The following WDR47 variants were observed in gnomAD, a reference collection of about 807,000 sequenced individuals.
WDR47 encodes WD repeat domain 47.
A neutral mutation model predicts 97.2 loss-of-function variants in WDR47; 32 were observed. That is an observed-to-expected ratio of 0.33 (90% CI 0.25 to 0.44). WDR47 has a LOEUF of 0.44. WDR47 is among the 20% of genes least tolerant of loss of function. The pLI is 1.00. For synonymous variants in WDR47, 375 were observed against 373.5 expected (o/e 1.00, Z -0.05); for missense variants, 782 against 1,102.3 (o/e 0.71, Z 4.11).
At chr1:108,997,522 C>T (rs1172658050) in intron 7 of WDR47, among the ~76,000 whole-genome samples, 1 of 151,522 alleles carries the variant, frequency 6.6e-6, no homozygotes, top group South Asian at 2.1e-4. Context: ...TTTGGGAGAC[C>T]GAGGCGGGCG....
chr1:109,003,243 G>A (rs572931641), intron 6 of WDR47, among the ~76,000 whole-genome samples: 32 of 152,018 alleles, frequency 2.1e-4, no homozygotes, highest in Non-Finnish European at 3.8e-4. Context: ...ATTGTAAGTA[G>A]GGTATTGAAG....
chr1:108,986,059 G>T (rs1006975469), intron 10 of WDR47, among the ~76,000 whole-genome samples: 1 of 151,648 alleles, frequency 6.6e-6, no homozygotes, highest in South Asian at 2.1e-4. Context: ...GTCTTAAGAG[G>T]TGTAAAAGAG....
chr1:109,031,862 C>T lies in WDR47; in HGVS notation c.-9-8341G>A, dbSNP rs147853223. On this transcript the variant is annotated intron_variant, in intron 1 of 14. Coordinates refer to ENST00000369962, the MANE Select transcript of WDR47 (RefSeq NM_001142551.2). ...AACACCAGGCTGAAGTGCAGTGGCA[C>T]GATCTTAGCTCACTGCAGCCTTGAC... Among the ~76,000 whole-genome samples, 594 of 126,252 alleles carry T rather than the reference C, an allele frequency of 4.7e-3. 87 individuals carry two copies. Among genetic ancestry groups the T allele is most frequent in the Non-Finnish European group, 6.8e-3 (403 of 59,004 alleles). The allele number at this position is 126,252 out of a possible 152,430, so 82.8% of individuals were successfully genotyped here. A position where few individuals can be genotyped will look rare whatever the true frequency, so the allele number is the denominator to read the frequency against.
At chr1:109,005,295 C>T (rs111505437) in intron 5 of WDR47, among the ~76,000 whole-genome samples, 3,971 of 151,846 alleles carry the variant, frequency 0.026, 63 homozygotes, top group Non-Finnish European at 0.041. Flanking sequence ...GCCTGTGGTC[C>T]CCAGCTACTT....
At chr1:109,017,277 T>G (rs1287064757) in intron 3 of WDR47, among the ~76,000 whole-genome samples, 1 of 152,092 alleles carries the variant, frequency 6.6e-6, no homozygotes, top group East Asian at 1.9e-4. Context: ...GGTACACGCC[T>G]GTATAGTCCC....
At chr1:109,023,026 AACCCCATCTCT>A (rs1484205185) in intron 2 of WDR47, among the ~76,000 whole-genome samples, 12 of 151,488 alleles carry the variant, frequency 7.9e-5, no homozygotes, top group Non-Finnish European at 3.0e-5. Flanking sequence ...AACATGGTGA[AACCCCATCTCT>A]ACTAAAAATA....
Position 108,983,178 on chromosome 1 carries a change from A to G in WDR47, c.2095+104T>C, listed in dbSNP as rs1042111266. On this transcript the variant is annotated intron_variant, in intron 11 of 14. Transcript: ENST00000369962. The stretch of plus-strand genomic sequence containing the variant: ...ATTATTGAAAAAATTATTCTTTAAG[A>G]TTATATTCTTGGATTTCATTAAAGA... 12 of 1,159,780 alleles carry G rather than the reference A, an allele frequency of 1.0e-5. No homozygotes were observed. The Admixed American group carries it at 4.1e-4, about 40-fold the overall frequency. The allele number at this position is 1,159,780 out of a possible 1,614,324, so 71.8% of individuals were successfully genotyped here.
intron 1 of WDR47, among the ~76,000 whole-genome samples, chr1:109,036,633 G>A (rs977303880): frequency 8.6e-5 from 13 of 150,998 alleles, no homozygotes; most frequent in East Asian, 2.0e-4. Context: ...TCAGCAGATC[G>A]AGACCATCCT....
chr1:109,009,705 T>C (rs1660889346), intron 5 of WDR47, among the ~76,000 whole-genome samples: 1 of 152,116 alleles, frequency 6.6e-6, no homozygotes, highest in African/African-American at 2.4e-5. Context: ...TTTTTAAAAA[T>C]GTATTCATAT....
At chr1:108,980,179 A>T (rs72699291) in intron 13 of WDR47, among the ~76,000 whole-genome samples, 5,291 of 152,158 alleles carry the variant, frequency 0.035, 113 homozygotes, top group Admixed American at 0.055. Flanking sequence ...GGGTGCCAAA[A>T]AGGTTGCGGA....
At chr1:109,000,441 G>A (rs1055105848) in intron 7 of WDR47, among the ~76,000 whole-genome samples, 4 of 149,454 alleles carry the variant, frequency 2.7e-5, no homozygotes, top group East Asian at 4.0e-4. Context: ...CCTGGGAGGC[G>A]GAGGTTGCAG....
rs753725905 is a variant in WDR47, at chr1:109,011,649, C to T, written c.397G>A (p.Asp133Asn). ...AAAAGCAAACAGAGCTTACTATAGT[C>T]ATCTTTAGAAGGACAGTATTCTTCT... ...ALEEYCPSKD[D>N]YSKLCLLLTL... is the part of the protein sequence containing the mutation. The change falls in exon 5 of 15, where the codon GAC becomes AAC. Residue 133 changes from aspartate (D) to asparagine (N), a missense_variant. By Grantham distance (23) the Asp-to-Asn change is conservative. This residue lies in a region of WDR47 where 428 missense variants were observed against 584.3 expected (regional missense o/e 0.73). Coordinates refer to ENST00000369962, the MANE Select transcript of WDR47 (RefSeq NM_001142551.2). 3 of 1,614,124 alleles carry T rather than the reference C, an allele frequency of 1.9e-6. No homozygotes were observed. Among genetic ancestry groups the T allele is most frequent in the Admixed American group, 1.7e-5 (1 of 60,000 alleles).
chr1:109,021,838 ATTATTTATTTAATTTATTATTTAT>A (rs1661872520), intron 2 of WDR47, among the ~76,000 whole-genome samples: 1 of 151,224 alleles, frequency 6.6e-6, no homozygotes, highest in Non-Finnish European at 1.5e-5. Flanking sequence ...TTTTTAATTT[ATTATTTATTTAATTTATTATTTAT>A]TTATTTATTT....
At chr1:109,010,577 AAT>A (rs1491466006) in intron 5 of WDR47, among the ~76,000 whole-genome samples, 4 of 132,360 alleles carry the variant, frequency 3.0e-5, no homozygotes, top group Admixed American at 2.5e-4. Context: ...AAGATTTCCT[AAT>A]TTTTTTTTTT....
At position 108,983,441 on chromosome 1, in the gene WDR47, T is replaced by C; in HGVS notation, c.1936A>G (p.Thr646Ala). ...AAACGTACCACCGGCTGCTTAGGAGTCTCATGTGCACTGAAAAGAAAAATT... is the reference window on the plus strand; with the variant it reads ...AAACGTACCACCGGCTGCTTAGGAGCCTCATGTGCACTGAAAAGAAAAATT... ...PDVIDPSAHE[T>A]PKQPVVRFKR... The change falls in exon 11 of 15, where the codon ACT (threonine) becomes GCT (alanine). Residue 646 changes from threonine to alanine, a missense_variant. By Grantham distance (58) the Thr-to-Ala change is moderately conservative. This residue lies in a region of WDR47 where 228 missense variants were observed against 396.7 expected (regional missense o/e 0.57). Transcript: ENST00000369962. 1.3e-6 allele frequency: 2 copies of C among 1,589,074 alleles called. No homozygotes were observed. The highest frequency in any genetic ancestry group is 1.7e-6 in the Non-Finnish European group (2 of 1,167,766).
chr1:109,001,712 A>C, intron 7 of WDR47, among the ~76,000 whole-genome samples: 1 of 152,118 alleles, frequency 6.6e-6, no homozygotes, highest in East Asian at 1.9e-4. Context: ...CAACAAGGCA[A>C]AACCCTATCT....
chr1:109,026,269 T>C (rs754062784), intron 1 of WDR47, among the ~76,000 whole-genome samples: 3 of 151,982 alleles, frequency 2.0e-5, no homozygotes, highest in Non-Finnish European at 4.4e-5. Flanking sequence ...TAGGCTGCTC[T>C]CGAACTCCTG....
chr1:109,027,124 G>A (rs902352759), intron 1 of WDR47, among the ~76,000 whole-genome samples: 11 of 151,740 alleles, frequency 7.2e-5, no homozygotes, highest in African/African-American at 1.2e-4. Context: ...TGGCAATCTC[G>A]GCTGGCTGCA....
At chr1:109,034,917 A>T (rs918868557) in intron 1 of WDR47, among the ~76,000 whole-genome samples, 2 of 152,164 alleles carry the variant, frequency 1.3e-5, no homozygotes, top group Non-Finnish European at 2.9e-5. Flanking sequence ...AGGCCCATTT[A>T]TTTAAAAGGA....
Sources: allele counts gnomAD v4.1 joint callset (sites outside exome capture counted in the v4.1 genomes callset), GRCh38; gene constraint gnomAD v4.1.1; regional missense constraint gnomAD v4.1.1; transcripts MANE v1.5; gene names NCBI Gene and HGNC (gene_info 2026-07-23, HGNC 2026-07-21).